The following KAT2B variants were observed in gnomAD, a reference collection of about 807,000 sequenced individuals.
The protein encoded by KAT2B is lysine acetyltransferase 2B.
KAT2B carries 36 observed loss-of-function variants against 105.9 expected under a neutral mutation model. That is an observed-to-expected ratio of 0.34 (90% CI 0.26 to 0.45). The LOEUF (loss-of-function observed/expected upper bound fraction) is 0.45, where lower values mean the gene tolerates loss of function less well. KAT2B is among the 20% of genes least tolerant of loss of function. The probability of loss-of-function intolerance (pLI) is 1.00; values close to 1 mark genes in which losing one functional copy is unlikely to be tolerated. For missense variants in KAT2B, 820 were observed against 1,021.6 expected, an observed-to-expected ratio of 0.80 and a Z score of 2.69; for synonymous variants, 397 against 377.9, an observed-to-expected ratio of 1.05 and a Z score of -0.59.
chr3:20,130,069 C>A (rs751502884), intron 11 of KAT2B, among the ~76,000 whole-genome samples: 1 of 152,098 alleles, frequency 6.6e-6, no homozygotes, highest in African/African-American at 2.4e-5. Flanking sequence ...CCTCCGCCTC[C>A]TGGGTTCAAG....
At chr3:20,151,217 T>G (rs991513041) in intron 17 of KAT2B, among the ~76,000 whole-genome samples, 2 of 152,206 alleles carry the variant, frequency 1.3e-5, no homozygotes, top group Admixed American at 6.5e-5. Context: ...AAGATAGGCT[T>G]TATTCAAGAG....
At chr3:20,092,103 G>A (rs1559310089) in intron 2 of KAT2B, among the ~76,000 whole-genome samples, 1 of 152,076 alleles carries the variant, frequency 6.6e-6, no homozygotes, top group Non-Finnish European at 1.5e-5. Context: ...TTAAAGTATA[G>A]TTCAAGCCCA....
chr3:20,098,626 C>G (rs190272966), intron 3 of KAT2B, among the ~76,000 whole-genome samples: 1 of 152,178 alleles, frequency 6.6e-6, no homozygotes, highest in Non-Finnish European at 1.5e-5. Flanking sequence ...TTGAAACCCC[C>G]AAATGGGCCA....
At chr3:20,076,664 C>T (rs545755273) in intron 2 of KAT2B, among the ~76,000 whole-genome samples, 3 of 152,160 alleles carry the variant, frequency 2.0e-5, no homozygotes, top group Non-Finnish European at 1.5e-5. Flanking sequence ...TGTATCTAAC[C>T]CCCTGCTTTT....
chr3:20,147,631 C>A (rs890343621), intron 14 of KAT2B, among the ~76,000 whole-genome samples: 5 of 152,136 alleles, frequency 3.3e-5, no homozygotes, highest in African/African-American at 1.2e-4. Flanking sequence ...CAGCTTAACT[C>A]TTTTACAGGG....
intron 2 of KAT2B, among the ~76,000 whole-genome samples, chr3:20,075,263 CA>C (rs759607666): frequency 1.4e-5 from 2 of 147,556 alleles, no homozygotes; most frequent in Non-Finnish European, 3.0e-5. Context: ...GACTCTGTCT[CA>C]AAAAAAAAGA....
intron 4 of KAT2B, 139 bp from the exon 5 acceptor site, chr3:20,101,148 A>T: frequency 1.5e-6 from 1 of 654,922 alleles, no homozygotes; most frequent in Non-Finnish European, 2.6e-6. Flanking sequence ...ATTTTCTTTT[A>T]GGGAAAAGGA....
At chr3:20,094,700 A>G (rs1698779609) in intron 2 of KAT2B, among the ~76,000 whole-genome samples, 1 of 152,110 alleles carries the variant, frequency 6.6e-6, no homozygotes, top group Non-Finnish European at 1.5e-5. Flanking sequence ...GGCCGTGGGG[A>G]CTTTGCAGCA....
At chr3:20,116,422 T>C (rs1699208122) in intron 7 of KAT2B, among the ~76,000 whole-genome samples, 10 of 152,156 alleles carry the variant, frequency 6.6e-5, no homozygotes. Context: ...TTCTCAAACA[T>C]GGCAGCACAA....
intron 2 of KAT2B, among the ~76,000 whole-genome samples, chr3:20,090,367 A>G (rs1205021246): frequency 6.6e-6 from 1 of 152,216 alleles, no homozygotes; most frequent in Non-Finnish European, 1.5e-5. Flanking sequence ...GTTGAGGTAC[A>G]GCACATTCCC....
At chr3:20,059,323 A>G (rs1190250818) in intron 1 of KAT2B, among the ~76,000 whole-genome samples, 1 of 146,942 alleles carries the variant, frequency 6.8e-6, no homozygotes, top group Non-Finnish European at 1.5e-5. Flanking sequence ...CTGAGGCAGG[A>G]GAATCGCTTG....
chr3:20,148,569 T>G, intron 17 of KAT2B, 82 bp downstream of exon 17: 1 of 972,706 alleles, frequency 1.0e-6, no homozygotes, highest in Non-Finnish European at 1.6e-6. Flanking sequence ...GAGGTTGATT[T>G]GTACTCCTCT....
chr3:20,095,322 A>G lies in KAT2B; in HGVS notation c.490A>G (p.Ile164Val), dbSNP rs748741630. The change falls in exon 3 of 18, where the codon ATA (isoleucine) becomes GTA (valine). Residue 164 changes from isoleucine to valine, a missense_variant. Physicochemically the swap from Ile to Val is conservative, Grantham distance 29 (BLOSUM62 3). Transcript: ENST00000263754. ...SEEEMNRLLG[I>V]VLDVEYLFTC... Reference sequence around the variant, plus strand: ...GGAAGAAATGAACAGACTCCTGGGAATAGTATTGGATGTGGAATATCTCTT... The same window carrying G: ...GGAAGAAATGAACAGACTCCTGGGAGTAGTATTGGATGTGGAATATCTCTT... 1.2e-6 allele frequency: 2 copies of G among 1,606,056 alleles called. No homozygotes were observed. The highest frequency in any genetic ancestry group is 1.1e-5 in the South Asian group (1 of 90,882).
chr3:20,119,609 C>G lies in KAT2B; in HGVS notation c.1162C>G (p.Pro388Ala). 6.2e-7 allele frequency: 1 copy of G among 1,614,092 alleles called. No homozygotes were observed. Among genetic ancestry groups the G allele is most frequent in the Non-Finnish European group, 8.5e-7 (1 of 1,179,956 alleles). Residue 388 changes from proline (P) to alanine (A), a missense_variant, in exon 8 of 18, where the codon CCT becomes GCT. This residue lies in a region of KAT2B where 225 missense variants were observed against 268.1 expected (regional missense o/e 0.84). Coordinates refer to ENST00000263754, the MANE Select transcript of KAT2B (RefSeq NM_003884.5). ...QLGIQTVINP[P>A]PVAGTISYNS... Reference sequence around the variant, plus strand: ...TTTTGCCGGGGCAGTTATCAATCCACCTCCTGTGGCTGGGACAATTTCATA... The same window carrying G: ...TTTTGCCGGGGCAGTTATCAATCCAGCTCCTGTGGCTGGGACAATTTCATA...
chr3:20,102,947 A>G (rs906811323), intron 5 of KAT2B, among the ~76,000 whole-genome samples: 2 of 152,336 alleles, frequency 1.3e-5, no homozygotes, highest in South Asian at 4.1e-4. Context: ...ATAATTTAAA[A>G]TAAGCTTTCC....
intron 6 of KAT2B, among the ~76,000 whole-genome samples, chr3:20,112,237 T>C (rs1050485208): frequency 2.0e-5 from 3 of 150,470 alleles, no homozygotes; most frequent in Admixed American, 6.6e-5. Context: ...GCCTCAGCTA[T>C]AGTAGACTTG....
At chr3:20,083,393 TAATG>T (rs942825469) in intron 2 of KAT2B, among the ~76,000 whole-genome samples, 3 of 152,234 alleles carry the variant, frequency 2.0e-5, no homozygotes, top group Admixed American at 6.5e-5. Context: ...TTTCTTTTAA[TAATG>T]AATGACTCTT....
In KAT2B at chr3:20,126,187, T is replaced by C. The variant is rs888796871; in HGVS notation, c.1622+74T>C. ...AGAGGAACTGCTTAGATAGTGAAAG[T>C]CAGCCATAGTCATCCACCGAATACT... On this transcript the variant is annotated intron_variant, in intron 10 of 17. Transcript: ENST00000263754. 8.8e-6 allele frequency: 11 copies of C among 1,243,454 alleles called. No homozygotes were observed. In the East Asian group the frequency reaches 2.5e-4, roughly 29 times the overall value. 77.0% of individuals were successfully genotyped at this position (1,243,454 alleles called of 1,614,324 possible). A position where few individuals can be genotyped will look rare whatever the true frequency, so the allele number is the denominator to read the frequency against.
At chr3:20,068,763 A>T (rs1698268610) in intron 1 of KAT2B, among the ~76,000 whole-genome samples, 1 of 152,170 alleles carries the variant, frequency 6.6e-6, no homozygotes, top group South Asian at 2.1e-4. Flanking sequence ...CTGTTCTCCA[A>T]ACTCAAGGTG....
Sources: gnomAD v4.1 joint callset for allele counts (sites outside exome capture counted in the v4.1 genomes callset) on GRCh38, gnomAD v4.1.1 for gene constraint, gnomAD v4.1.1 regional missense constraint, MANE v1.5 for transcripts, NCBI Gene and HGNC (gene_info 2026-07-23, HGNC 2026-07-21) for gene names.